UNC13C: variants seen among roughly 807,000 people sequenced by gnomAD.
The protein encoded by UNC13C is unc-13 homolog C.
Under a neutral mutation model 245.4 loss-of-function variants are expected in UNC13C, and 174 were observed. The ratio of observed to expected loss-of-function variants is 0.71; its 90% CI spans 0.63 to 0.80. The LOEUF is 0.80. Ranked by LOEUF, UNC13C falls within the 30% of genes least tolerant of loss-of-function variation. The pLI is 0.00. For synonymous variants in UNC13C, 992 were observed against 895.1 expected (o/e 1.11, Z -1.93); for missense variants, 2,829 against 2,602.9 (o/e 1.09, Z -1.89).
chr15:53,863,915 C>T, the UNC13C span, among the ~76,000 whole-genome samples: 3 of 152,146 alleles, frequency 2.0e-5, no homozygotes, highest in South Asian at 4.1e-4. Context: ...GTGGAGTCCA[C>T]GATGTAGCCC....
intron 13 of UNC13C, 110 bp from the exon 14 acceptor site, chr15:54,321,829 T>C: frequency 8.9e-7 from 1 of 1,126,260 alleles, no homozygotes; most frequent in Non-Finnish European, 1.2e-6. Context: ...CAGTTTTCTC[T>C]CCTTTTCATA....
At chr15:53,841,570 A>G in the UNC13C span, among the ~76,000 whole-genome samples, 2 of 152,196 alleles carry the variant, frequency 1.3e-5, no homozygotes, top group Non-Finnish European at 2.9e-5. Context: ...GTATATGAAA[A>G]AATTGCTACC....
intron 1 of UNC13C, among the ~76,000 whole-genome samples, chr15:53,988,253 T>G (rs570973419): frequency 6.6e-6 from 1 of 152,174 alleles, no homozygotes; most frequent in Admixed American, 6.6e-5. Flanking sequence ...TCTGATGAGA[T>G]ACAATACAGC....
In UNC13C at chr15:54,622,375, T is replaced by A; in HGVS notation, c.6155T>A (p.Ile2052Asn). Residue 2052 changes from isoleucine (I) to asparagine (N), a missense_variant, in exon 31 of 33, where the codon ATC becomes AAC. Coordinates refer to ENST00000260323, the MANE Select transcript of UNC13C (RefSeq NM_001080534.3). The stretch of plus-strand genomic sequence containing the variant: ...GGTCAGATATCTGTTCATGTGGACA[T>A]CACTGCCACCCCAGGAACGGGAGAT... ...AVGQISVHVD[I>N]TATPGTGDHK... 1 of 1,613,380 alleles carries A rather than the reference T, an allele frequency of 6.2e-7. No homozygotes were observed. Among genetic ancestry groups the A allele is most frequent in the Non-Finnish European group, 8.5e-7 (1 of 1,179,478 alleles).
Position 54,069,047 on chromosome 15 carries a change from T to G in UNC13C, c.2983+53161T>G, listed in dbSNP as rs538424975. ...AACACAATGTGATACTCAGTATATATTCATACAAATACAGATGCTTACACT... is the reference window on the plus strand; with the variant it reads ...AACACAATGTGATACTCAGTATATAGTCATACAAATACAGATGCTTACACT... On this transcript the variant is annotated intron_variant, in intron 2 of 32. Coordinates refer to ENST00000260323, the MANE Select transcript of UNC13C (RefSeq NM_001080534.3). Among the ~76,000 whole-genome samples the G allele has an allele frequency of 2.0e-4, 30 of 152,314 alleles. 1 individual carries two copies. The highest frequency in any genetic ancestry group is 7.0e-4 in the African/African-American group (29 of 41,578).
At chr15:54,396,373 C>A (rs536718504) in intron 18 of UNC13C, among the ~76,000 whole-genome samples, 2 of 151,736 alleles carry the variant, frequency 1.3e-5, no homozygotes, top group Admixed American at 6.6e-5. Flanking sequence ...TTTTGTCTGG[C>A]TGCTTTTATT....
chr15:53,926,471 T>C, the UNC13C span, among the ~76,000 whole-genome samples: 2 of 152,338 alleles, frequency 1.3e-5, no homozygotes, highest in South Asian at 4.1e-4. Context: ...TCACTGCTAA[T>C]ACTATTGAGA....
At chr15:54,598,303 C>G (rs1192268640) in intron 30 of UNC13C, among the ~76,000 whole-genome samples, 3 of 152,202 alleles carry the variant, frequency 2.0e-5, no homozygotes, top group Non-Finnish European at 4.4e-5. Context: ...CCATGTTGGC[C>G]AGACTGGCCT....
At chr15:54,227,051 A>T (rs2035405961) in intron 4 of UNC13C, among the ~76,000 whole-genome samples, 1 of 152,088 alleles carries the variant, frequency 6.6e-6, no homozygotes, top group Admixed American at 6.5e-5. Context: ...GAGTCCTTAT[A>T]CTTTGTCCAG....
chr15:54,312,722 G>A (rs558556053), intron 13 of UNC13C, among the ~76,000 whole-genome samples: 2 of 151,826 alleles, frequency 1.3e-5, no homozygotes, highest in South Asian at 4.1e-4. Context: ...GAGTCCATTA[G>A]CATGAAATAG....
rs186170983 is a variant in UNC13C at position 54,004,090 on chromosome 15, A to G, written c.-256-8558A>G. On this transcript the variant is annotated intron_variant, in intron 1 of 32. Coordinates refer to ENST00000260323, the MANE Select transcript of UNC13C (RefSeq NM_001080534.3). ...ACTATAGTCGCCGTAGTGTGCTATCAAATATTAGATTGTATTCATTATTTC... is the reference window on the plus strand; with the variant it reads ...ACTATAGTCGCCGTAGTGTGCTATCGAATATTAGATTGTATTCATTATTTC... Among the ~76,000 whole-genome samples the G allele has an allele frequency of 1.2e-3, 188 of 152,304 alleles. 1 individual carries two copies. The highest frequency in any genetic ancestry group is 4.2e-3 in the African/African-American group (176 of 41,570).
intron 2 of UNC13C, among the ~76,000 whole-genome samples, chr15:54,021,120 A>G (rs1191306513): frequency 2.0e-5 from 3 of 152,202 alleles, no homozygotes; most frequent in East Asian, 3.9e-4. Flanking sequence ...TGAGTTACAT[A>G]TACATTGTAG....
chr15:54,390,746 G>A (rs530195698), intron 17 of UNC13C, among the ~76,000 whole-genome samples: 6 of 151,936 alleles, frequency 3.9e-5, no homozygotes, highest in Non-Finnish European at 8.8e-5. Context: ...AAGGTTAAAT[G>A]CCCTATTAGA....
At chr15:54,249,113 C>A (rs1186024364) in intron 7 of UNC13C, among the ~76,000 whole-genome samples, 1 of 152,142 alleles carries the variant, frequency 6.6e-6, no homozygotes, top group Non-Finnish European at 1.5e-5. Context: ...AATGTAACCT[C>A]TAAGAGTGCT....
chr15:54,256,869 T>C (rs1367032350), intron 8 of UNC13C, among the ~76,000 whole-genome samples: 1 of 152,208 alleles, frequency 6.6e-6, no homozygotes, highest in Non-Finnish European at 1.5e-5. Context: ...AGTGCTATGT[T>C]TTTGTCTATG....
At chr15:54,153,721 A>G in intron 4 of UNC13C, among the ~76,000 whole-genome samples, 1 of 152,096 alleles carries the variant, frequency 6.6e-6, no homozygotes, top group Non-Finnish European at 1.5e-5. Context: ...AAATAAATGT[A>G]GATATATTTC....
chr15:54,059,946 T>A (rs892377954), intron 2 of UNC13C, among the ~76,000 whole-genome samples: 1 of 152,076 alleles, frequency 6.6e-6, no homozygotes, highest in Non-Finnish European at 1.5e-5. Context: ...CCCTTCCTTA[T>A]ACCTTATACA....
chr15:54,140,619 A>C (rs768443275), intron 2 of UNC13C, among the ~76,000 whole-genome samples: 10 of 152,244 alleles, frequency 6.6e-5, no homozygotes, highest in Non-Finnish European at 1.3e-4. Flanking sequence ...AGTCAGCTCC[A>C]TGAGGATGGA....
intron 19 of UNC13C, among the ~76,000 whole-genome samples, chr15:54,478,269 T>C (rs1395591794): frequency 1.5e-5 from 2 of 131,390 alleles, no homozygotes; most frequent in Non-Finnish European, 3.3e-5. Context: ...AGCTCCTGGA[T>C]TCATTAATTT....
Sources: allele counts gnomAD v4.1 joint callset (sites outside exome capture counted in the v4.1 genomes callset), GRCh38; gene constraint gnomAD v4.1.1; transcripts MANE v1.5; gene names NCBI Gene and HGNC (gene_info 2026-07-23, HGNC 2026-07-21).